The following ABHD12 variants were observed in gnomAD, a reference collection of about 807,000 sequenced individuals.
ABHD12 encodes lysophosphatidylserine lipase ABHD12.
Under a neutral mutation model 58.3 loss-of-function variants are expected in ABHD12, and 43 were observed. The observed-to-expected ratio is 0.74, with a 90% CI of 0.58 to 0.95. The LOEUF is 0.95. Ranked by LOEUF, ABHD12 falls within the 40% of genes least tolerant of loss-of-function variation. The pLI, the probability that ABHD12 is intolerant of heterozygous loss-of-function variation, is 0.00. For missense variants in ABHD12, 539 were observed against 537.2 expected (o/e 1.00, Z -0.03); for synonymous variants, 219 against 211.2 (o/e 1.04, Z -0.32).
intron 1 of ABHD12, among the ~76,000 whole-genome samples, chr20:25,375,774 C>T (rs6107032): frequency 0.022 from 3,347 of 152,174 alleles, 116 homozygotes; most frequent in African/African-American, 0.076. Context: ...GGGTTATTTC[C>T]GGGTAAATTC....
chr20:25,295,907 G>A (rs73343090), downstream of ABHD12, among the ~76,000 whole-genome samples: 1,004 of 152,348 alleles, frequency 6.6e-3, 15 homozygotes, highest in African/African-American at 0.023. Flanking sequence ...GTGCGGCCTG[G>A]AAACTGAGTG....
chr20:25,366,773 T>C (rs887698459), intron 1 of ABHD12, among the ~76,000 whole-genome samples: 59 of 152,320 alleles, frequency 3.9e-4, no homozygotes, highest in African/African-American at 1.4e-3. Flanking sequence ...AAAATCAACC[T>C]TGACTCCACT....
intron 1 of ABHD12, among the ~76,000 whole-genome samples, chr20:25,356,353 C>G (rs1014903757): frequency 6.6e-6 from 1 of 152,234 alleles, no homozygotes; most frequent in African/African-American, 2.4e-5. Flanking sequence ...CTCAGCCAGG[C>G]AGATGGCCAC....
rs2088748008 is a variant in ABHD12, at chr20:25,306,652, G to A, written c.950+181C>T. On this transcript the variant is annotated intron_variant, in intron 10 of 12. Coordinates refer to ENST00000339157, the MANE Select transcript of ABHD12 (RefSeq NM_001042472.3). ...CTTCCTCAGCTTCCCAAAGTGCTGG[G>A]ATTACAGGTGTGAACCACGGTCCCT... Among the ~76,000 whole-genome samples the A allele has an allele frequency of 2.0e-5, 3 of 152,304 alleles. No homozygotes were observed. The South Asian group carries it at 6.2e-4, about 32-fold the overall frequency.
At chr20:25,335,864 G>A (rs1245409638) in intron 2 of ABHD12, among the ~76,000 whole-genome samples, 2 of 147,748 alleles carry the variant, frequency 1.4e-5, no homozygotes, top group African/African-American at 5.0e-5. Context: ...GCTAGATGAC[G>A]AGTTAGTGGG....
chr20:25,312,635 C>T (rs1279418249), intron 6 of ABHD12, among the ~76,000 whole-genome samples: 7 of 149,142 alleles, frequency 4.7e-5, no homozygotes, highest in African/African-American at 9.9e-5. Flanking sequence ...TCCGCCTGGC[C>T]GCCCATCGTC....
downstream of ABHD12, chr20:25,296,721 T>C (rs1311338077): frequency 2.8e-6 from 2 of 717,092 alleles, no homozygotes; most frequent in Non-Finnish European, 4.4e-6. Context: ...TCCTAGTTTC[T>C]TGTAAAGGAA....
At chr20:25,345,852 C>T (rs921103071) in intron 1 of ABHD12, among the ~76,000 whole-genome samples, 1 of 152,184 alleles carries the variant, frequency 6.6e-6, no homozygotes, top group Admixed American at 6.5e-5. Context: ...AAACATGGTA[C>T]ACAGACACTT....
chr20:25,338,767 T>G, intron 2 of ABHD12: 7 of 994,804 alleles, frequency 7.0e-6, no homozygotes, highest in Non-Finnish European at 8.4e-6. Flanking sequence ...AAAGGTACTA[T>G]ATTTTTCAGT....
rs2090161558 is a variant in ABHD12 at position 25,390,570 on chromosome 20, G to C, written c.134C>G (p.Pro45Arg). Residue 45 changes from proline to arginine, a missense_variant, in exon 1 of 13, where the codon CCG becomes CGG. By Grantham distance (103) the Pro-to-Arg change is moderately radical. Transcript: ENST00000339157. Reference protein sequence around the residue: ...RLKQNLRLTGPAAAEPRCAAD... With the variant: ...RLKQNLRLTGRAAAEPRCAAD... ...TGCGCAGCGCGGCTCAGCCGCCGCC[G>C]GGCCCGTCAGGCGTAGGTTCTGCTT... 3.4e-6 allele frequency: 5 copies of C among 1,471,398 alleles called. No homozygotes were observed. Among genetic ancestry groups the C allele is most frequent in the Non-Finnish European group, 3.6e-6 (4 of 1,118,140 alleles). The allele number at this position is 1,471,398 out of a possible 1,614,324, so 91.1% of individuals were successfully genotyped here. A position where few individuals can be genotyped will look rare whatever the true frequency, so the allele number is the denominator to read the frequency against.
At chr20:25,313,784 GCAAAAC>G (rs59829383) in intron 6 of ABHD12, among the ~76,000 whole-genome samples, 177 of 149,526 alleles carry the variant, frequency 1.2e-3, no homozygotes, top group African/African-American at 3.9e-3. Flanking sequence ...CTGTCTCAAA[GCAAAAC>G]CAAAACCAAA....
intron 2 of ABHD12, among the ~76,000 whole-genome samples, chr20:25,325,224 A>G (rs909869772): frequency 1.3e-4 from 20 of 150,040 alleles, no homozygotes; most frequent in African/African-American, 3.4e-4. Flanking sequence ...AAAAAAAAAA[A>G]AAAAAAGAAC....
intron 1 of ABHD12, among the ~76,000 whole-genome samples, chr20:25,363,375 C>G (rs146395674): frequency 1.3e-5 from 2 of 151,798 alleles, no homozygotes; most frequent in African/African-American, 4.8e-5. Context: ...CACGCACCCA[C>G]GCCCAGCTAA....
downstream of ABHD12, among the ~76,000 whole-genome samples, chr20:25,298,170 G>T (rs2088580039): frequency 6.6e-6 from 1 of 152,248 alleles, no homozygotes; most frequent in Non-Finnish European, 1.5e-5. Context: ...TAGAGCCGGG[G>T]CTGAATTACA....
intron 2 of ABHD12, among the ~76,000 whole-genome samples, chr20:25,329,305 C>A (rs1221531115): frequency 6.6e-6 from 1 of 152,266 alleles, no homozygotes; most frequent in Non-Finnish European, 1.5e-5. Flanking sequence ...TCTCTCATGG[C>A]TCCCTCTCGC....
intron 1 of ABHD12, among the ~76,000 whole-genome samples, chr20:25,376,103 C>A (rs1382926756): frequency 6.6e-6 from 1 of 152,094 alleles, no homozygotes; most frequent in Non-Finnish European, 1.5e-5. Flanking sequence ...GCCTGGGCGA[C>A]AGAGTGAGAC....
At chr20:25,360,632 G>A (rs1600851728) in intron 1 of ABHD12, among the ~76,000 whole-genome samples, 1 of 152,132 alleles carries the variant, frequency 6.6e-6, no homozygotes. Context: ...AATTTTAAAA[G>A]GATATAAAAC....
chr20:25,384,244 TAC>T (rs1008195655), intron 1 of ABHD12, among the ~76,000 whole-genome samples: 2 of 150,286 alleles, frequency 1.3e-5, no homozygotes, highest in African/African-American at 4.9e-5. Flanking sequence ...TCTCAAGGAG[TAC>T]AGAGTTGACC....
intron 6 of ABHD12, among the ~76,000 whole-genome samples, chr20:25,310,016 T>C (rs1399142727): frequency 6.6e-6 from 1 of 152,172 alleles, no homozygotes; most frequent in East Asian, 1.9e-4. Context: ...TCCCTCTCTC[T>C]TTCTTAACAG....
Sources: allele counts gnomAD v4.1 joint callset (sites outside exome capture counted in the v4.1 genomes callset), GRCh38; gene constraint gnomAD v4.1.1; transcripts MANE v1.5; gene names NCBI Gene and HGNC (gene_info 2026-07-23, HGNC 2026-07-21).